Variants in PRKCB observed in about 807,000 individuals in gnomAD.
PRKCB encodes the protein protein kinase C beta.
A neutral mutation model predicts 81.5 loss-of-function variants in PRKCB; 13 were observed. That is an observed-to-expected ratio of 0.16 (90% CI 0.10 to 0.25). PRKCB has a LOEUF of 0.25. Among genes scored for constraint, PRKCB ranks in the 10% least tolerant of loss-of-function variants. PRKCB has a pLI of 1.00. For missense variants in PRKCB, 509 were observed against 875.7 expected, an observed-to-expected ratio of 0.58 and a Z score of 5.29; for synonymous variants, 335 against 321.4, an observed-to-expected ratio of 1.04 and a Z score of -0.45.
chr16:23,955,230 G>GCACA (rs10543098), intron 2 of PRKCB, among the ~76,000 whole-genome samples: 2 of 149,326 alleles, frequency 1.3e-5, no homozygotes, highest in African/African-American at 4.9e-5. Flanking sequence ...ACACACACAT[G>GCACA]CACACACACA....
intron 3 of PRKCB, among the ~76,000 whole-genome samples, chr16:24,012,591 G>A (rs2141838465): frequency 6.6e-6 from 1 of 152,336 alleles, no homozygotes; most frequent in South Asian, 2.1e-4. Context: ...ACATGTCAAT[G>A]GCTTCCCATT....
intron 2 of PRKCB, among the ~76,000 whole-genome samples, chr16:23,861,718 A>T (rs1054498118): frequency 1.3e-5 from 2 of 152,140 alleles, no homozygotes; most frequent in Non-Finnish European, 2.9e-5. Context: ...TAAGTATTTC[A>T]TGTCACATTT....
intron 2 of PRKCB, among the ~76,000 whole-genome samples, chr16:23,915,336 G>A (rs1963721911): frequency 6.6e-6 from 1 of 152,070 alleles, no homozygotes. Flanking sequence ...TCACCATGAA[G>A]TCCTGCAGCA....
intron 2 of PRKCB, among the ~76,000 whole-genome samples, chr16:23,927,642 AG>A (rs1390400708): frequency 1.3e-5 from 2 of 151,994 alleles, no homozygotes; most frequent in Admixed American, 1.3e-4. Context: ...AGTGGTGGTG[AG>A]GAAGGAGAGA....
intron 2 of PRKCB, chr16:23,893,054 T>G (rs1220511757): frequency 6.6e-6 from 1 of 152,026 alleles, no homozygotes; most frequent in Non-Finnish European, 1.5e-5. Flanking sequence ...ACAGGGATGG[T>G]CTGATGGAGT....
intron 10 of PRKCB, among the ~76,000 whole-genome samples, chr16:24,164,988 G>A (rs903068178): frequency 5.3e-5 from 8 of 152,154 alleles, no homozygotes; most frequent in Non-Finnish European, 5.9e-5. Flanking sequence ...AGCCCCCATA[G>A]TTCACTCTTT....
chr16:24,069,793 A>G (rs1433417234), intron 5 of PRKCB, among the ~76,000 whole-genome samples: 1 of 152,200 alleles, frequency 6.6e-6, no homozygotes, highest in African/African-American at 2.4e-5. Flanking sequence ...GTGCTCAATA[A>G]AAGTTGTCAT....
intron 2 of PRKCB, among the ~76,000 whole-genome samples, chr16:23,987,060 A>G (rs1381815809): frequency 6.6e-6 from 1 of 152,106 alleles, no homozygotes; most frequent in African/African-American, 2.4e-5. Context: ...GAGTATATCC[A>G]TTTCCCTGAT....
chr16:23,889,030 C>T (rs1202313078), intron 2 of PRKCB, among the ~76,000 whole-genome samples: 4 of 151,980 alleles, frequency 2.6e-5, no homozygotes, highest in Admixed American at 1.3e-4. Flanking sequence ...CCAATAAATT[C>T]GACATGACTG....
chr16:23,927,646 A>G (rs1597249318), intron 2 of PRKCB, among the ~76,000 whole-genome samples: 1 of 152,082 alleles, frequency 6.6e-6, no homozygotes, highest in African/African-American at 2.4e-5. Flanking sequence ...GTGGTGAGGA[A>G]GGAGAGAGGT....
chr16:24,153,006 T>C (rs1967102117), intron 9 of PRKCB, among the ~76,000 whole-genome samples: 1 of 152,156 alleles, frequency 6.6e-6, no homozygotes, highest in South Asian at 2.1e-4. Flanking sequence ...GGACAGGAGA[T>C]AGGAATGCTG....
At chr16:23,972,585 G>T (rs753326279) in intron 2 of PRKCB, among the ~76,000 whole-genome samples, 8 of 152,168 alleles carry the variant, frequency 5.3e-5, no homozygotes, top group African/African-American at 7.2e-5. Context: ...CAAATGGAAA[G>T]TCTCCCATAC....
At chr16:23,875,665 T>TGTATATCACATATAC (rs1962997097) in intron 2 of PRKCB, among the ~76,000 whole-genome samples, 5 of 129,672 alleles carry the variant, frequency 3.9e-5, no homozygotes, top group African/African-American at 1.2e-4. Context: ...CACACATATA[T>TGTATATCACATATAC]ATGTATGTAT....
intron 7 of PRKCB, among the ~76,000 whole-genome samples, chr16:24,109,069 C>T (rs113009841): frequency 1.7e-5 from 2 of 116,890 alleles, no homozygotes; most frequent in Non-Finnish European, 3.9e-5. Context: ...GGCGGCTGGC[C>T]GGGCAGAGGG....
chr16:23,900,524 G>C (rs894499046), intron 2 of PRKCB, among the ~76,000 whole-genome samples: 1 of 152,044 alleles, frequency 6.6e-6, no homozygotes, highest in Non-Finnish European at 1.5e-5. Context: ...CAGTTCTCTG[G>C]AGGAGTACTA....
chr16:23,836,459 C>A lies in PRKCB; in HGVS notation c.173+111C>A, dbSNP rs1322233133. ...CCGCGCCCTCCGCACCCTGGGACCC[C>A]GCGTCTCCGGACTCCCGGCTCCGGA... On this transcript the variant is annotated intron_variant, in intron 1 of 16. Coordinates refer to ENST00000643927, the MANE Select transcript of PRKCB (RefSeq NM_002738.7). The A allele has an allele frequency of 4.9e-6, 7 of 1,433,304 alleles. No individual in the cohort carries two copies. The Admixed American group carries it at 1.3e-4, about 26-fold the overall frequency. The allele number at this position is 1,433,304 out of a possible 1,614,324, so 88.8% of individuals were successfully genotyped here. A position where few individuals can be genotyped will look rare whatever the true frequency, so the allele number is the denominator to read the frequency against.
intron 7 of PRKCB, 126 bp from the exon 8 acceptor site, chr16:24,112,847 C>T (rs934334806): frequency 1.2e-5 from 8 of 647,232 alleles, no homozygotes; most frequent in Non-Finnish European, 2.1e-5. Context: ...CCAAAACAAA[C>T]CAAAAAACCC....
intron 3 of PRKCB, among the ~76,000 whole-genome samples, chr16:24,013,802 G>A (rs1242442904): frequency 7.4e-6 from 1 of 135,604 alleles, no homozygotes; most frequent in Non-Finnish European, 1.6e-5. Context: ...AAAAAGTATA[G>A]ACATCAGAGT....
intron 2 of PRKCB, chr16:23,893,074 A>ACCCTG: frequency 6.6e-6 from 1 of 151,898 alleles, no homozygotes; most frequent in East Asian, 1.9e-4. Flanking sequence ...TGTGCTGGAG[A>ACCCTG]CCCTGCTGAG....
Sources: gnomAD v4.1 joint callset for allele counts (sites outside exome capture counted in the v4.1 genomes callset) on GRCh38, gnomAD v4.1.1 for gene constraint, MANE v1.5 for transcripts, NCBI Gene and HGNC (gene_info 2026-07-23, HGNC 2026-07-21) for gene names.